Variants in OTOP1 observed in about 807,000 individuals in gnomAD.
The protein encoded by OTOP1 is otopetrin 1, also known as proton channel OTOP1.
A neutral mutation model predicts 52.9 loss-of-function variants in OTOP1; 59 were observed. The ratio of observed to expected loss-of-function variants is 1.12; its 90% confidence interval spans 0.91 to 1.39. The LOEUF (loss-of-function observed/expected upper bound fraction) is 1.39, where lower values mean the gene tolerates loss of function less well. Ranked by LOEUF, OTOP1 falls within the 40% of genes most tolerant of loss-of-function variation. The probability of loss-of-function intolerance (pLI) is 0.00; values close to 1 mark genes in which losing one functional copy is unlikely to be tolerated. For synonymous variants in OTOP1, 317 were observed against 337.7 expected (o/e 0.94, Z 0.67); for missense variants, 761 against 800.9 (o/e 0.95, Z 0.60).
At chr4:4,201,218 A>G (rs893151927) in intron 4 of OTOP1, among the ~76,000 whole-genome samples, 8 of 152,238 alleles carry the variant, frequency 5.3e-5, no homozygotes, top group Middle Eastern at 3.4e-3. Context: ...CACAAGGCCA[A>G]GAGTTCGAGA....
At chr4:4,196,952 G>A (rs1181411705) in intron 5 of OTOP1, among the ~76,000 whole-genome samples, 2 of 152,068 alleles carry the variant, frequency 1.3e-5, no homozygotes, top group African/African-American at 4.8e-5. Flanking sequence ...GACACTACCA[G>A]GGACTACTAG....
chr4:4,199,612 C>T (rs188763323), intron 4 of OTOP1, among the ~76,000 whole-genome samples: 1 of 152,226 alleles, frequency 6.6e-6, no homozygotes, highest in African/African-American at 2.4e-5. Context: ...AGGGTTCCGC[C>T]ACGTTGGCTA....
Position 4,220,024 on chromosome 4 carries a change from TATACGTATATATGTATACATATATAC to T in OTOP1, c.403+6412_403+6437del, listed in dbSNP as rs1432763624. Among the ~76,000 whole-genome samples, 292 of 97,228 alleles carry T rather than the reference TATACGTATATATGTATACATATATAC, an allele frequency of 3.0e-3. 4 individuals are homozygous for T. Among genetic ancestry groups the T allele is most frequent in the Middle Eastern group, 0.015 (3 of 194 alleles). The allele number at this position is 97,228 out of a possible 152,430, so 63.8% of individuals were successfully genotyped here. A position where few individuals can be genotyped will look rare whatever the true frequency, so the allele number is the denominator to read the frequency against. Reference sequence around the variant, plus strand: ...ATACATATATATGTATATACATGTATATACGTATATATGTATACATATATACATATACGTGTATATACATATATATG... The same window carrying T: ...ATACATATATATGTATATACATGTATATATACGTGTATATACATATATATG... On this transcript the variant is annotated intron_variant, in intron 1 of 5. Transcript: ENST00000296358.
At chr4:4,220,090 T>TACGTGTATATAC (rs1560211530) in intron 1 of OTOP1, among the ~76,000 whole-genome samples, 1 of 100,704 alleles carries the variant, frequency 9.9e-6, no homozygotes, top group African/African-American at 4.6e-5. Context: ...CATATATATA[T>TACGTGTATATAC]ATATATATAT....
chr4:4,195,652 C>T (rs767642543), intron 5 of OTOP1, among the ~76,000 whole-genome samples: 2 of 152,202 alleles, frequency 1.3e-5, no homozygotes, highest in Non-Finnish European at 2.9e-5. Flanking sequence ...CCCCAAGAAG[C>T]CAACCTCTGG....
intron 2 of OTOP1, among the ~76,000 whole-genome samples, chr4:4,211,998 G>A (rs549435308): frequency 2.0e-5 from 3 of 152,158 alleles, no homozygotes; most frequent in Admixed American, 6.5e-5. Context: ...AAAAAAGAAA[G>A]GCAACTATGT....
At position 4,202,486 on chromosome 4, in the gene OTOP1, T is replaced by C. The variant is rs1716809981; in HGVS notation, c.692A>G (p.Glu231Gly). 7 of 1,613,964 alleles carry C rather than the reference T, an allele frequency of 4.3e-6. No individual in the cohort carries two copies. The highest frequency in any genetic ancestry group is 5.9e-6 in the Non-Finnish European group (7 of 1,179,966). Residue 231 changes from glutamate to glycine, a missense_variant, in exon 4 of 6, where the codon GAA (glutamate) becomes GGA (glycine). Physicochemically the swap from Glu to Gly is moderately conservative, Grantham distance 98. Coordinates refer to ENST00000296358, the MANE Select transcript of OTOP1 (RefSeq NM_177998.3). ...ESKHQLNEHKERLITLGFGNI... is the reference protein window; with the variant it reads ...ESKHQLNEHKGRLITLGFGNI... ...CCCAAAACCCAGAGTGATGAGCCGT[T>C]CCTTGTGCTCATTGAGTTGGTGCTT...
chr4:4,218,146 CTTTGGGAG>C (rs1049599486), intron 1 of OTOP1, among the ~76,000 whole-genome samples: 10 of 152,194 alleles, frequency 6.6e-5, no homozygotes, highest in African/African-American at 2.4e-4. Context: ...AATCCCAGTG[CTTTGGGAG>C]GCCGAGGCAG....
rs1381554432 is a variant in OTOP1, at chr4:4,188,973, G to A, written c.1669C>T (p.Leu557Phe). The change falls in exon 6 of 6, where the codon CTT becomes TTT. Residue 557 changes from leucine (L) to phenylalanine (F), a missense_variant and splice_region_variant. Leu to Phe is a conservative substitution (Grantham distance 22). Transcript: ENST00000296358. Reference sequence around the variant, plus strand: ...CAGCCAAAGGCGGGAGGTATCCAAAGCTGCAAGAGAAGAGAAAATGGCATG... The same window carrying A: ...CAGCCAAAGGCGGGAGGTATCCAAAACTGCAAGAGAAGAGAAAATGGCATG... Reference protein sequence around the residue: ...AAFLFLCNISLWIPPAFGCRP... With the variant: ...AAFLFLCNISFWIPPAFGCRP... 13 of 1,610,704 alleles carry A rather than the reference G, an allele frequency of 8.1e-6. No individual in the cohort carries two copies. The South Asian group carries it at 1.1e-4, about 14-fold the overall frequency.
chr4:4,205,677 A>G (rs527269485), intron 3 of OTOP1, among the ~76,000 whole-genome samples: 1 of 152,380 alleles, frequency 6.6e-6, no homozygotes, highest in South Asian at 2.1e-4. Flanking sequence ...GCAAGTGTCA[A>G]TAAACTCCTG....
chr4:4,207,077 T>TA (rs1284811380), intron 2 of OTOP1, among the ~76,000 whole-genome samples: 1 of 152,152 alleles, frequency 6.6e-6, no homozygotes, highest in Non-Finnish European at 1.5e-5. Context: ...AATCAGAGAG[T>TA]AAAAAATAAA....
intron 5 of OTOP1, among the ~76,000 whole-genome samples, chr4:4,191,920 G>A (rs1263535373): frequency 1.3e-5 from 2 of 151,972 alleles, no homozygotes. Context: ...GGAAGGGAGA[G>A]GGAGACAGGG....
At chr4:4,215,001 C>A (rs1717108775) in intron 1 of OTOP1, among the ~76,000 whole-genome samples, 1 of 152,124 alleles carries the variant, frequency 6.6e-6, no homozygotes, top group Non-Finnish European at 1.5e-5. Flanking sequence ...TAAATTCTAG[C>A]CCAGGCATGG....
chr4:4,195,884 C>T (rs1432750085), intron 5 of OTOP1, among the ~76,000 whole-genome samples: 2 of 152,116 alleles, frequency 1.3e-5, no homozygotes, highest in Non-Finnish European at 2.9e-5. Context: ...GTCTCCCTCC[C>T]CCATTATACT....
chr4:4,203,850 T>G (rs1716840810), intron 3 of OTOP1, among the ~76,000 whole-genome samples: 1 of 152,186 alleles, frequency 6.6e-6, no homozygotes, highest in South Asian at 2.1e-4. Flanking sequence ...GCTCAGGCTT[T>G]GGGTGGGTCC....
At chr4:4,194,082 G>A (rs865848475) in intron 5 of OTOP1, among the ~76,000 whole-genome samples, 3 of 152,098 alleles carry the variant, frequency 2.0e-5, no homozygotes, top group East Asian at 1.9e-4. Context: ...CCACCTCCTC[G>A]GGATGCTGAG....
intron 3 of OTOP1, among the ~76,000 whole-genome samples, chr4:4,204,238 G>A (rs56864648): frequency 0.014 from 2,185 of 152,252 alleles, 57 homozygotes; most frequent in African/African-American, 0.05. Context: ...CAGAATCCCA[G>A]GGTGTCTGAG....
intron 4 of OTOP1, among the ~76,000 whole-genome samples, chr4:4,200,296 C>A (rs558087871): frequency 2.6e-4 from 40 of 151,890 alleles, no homozygotes; most frequent in African/African-American, 9.4e-4. Flanking sequence ...GAGACTGAGA[C>A]CATCCTGGCT....
At position 4,213,017 on chromosome 4, in the gene OTOP1, T is replaced by A. The variant is rs1299145273; in HGVS notation, c.404-13A>T. 6.2e-6 allele frequency: 10 copies of A among 1,612,466 alleles called. No homozygotes were observed. The highest frequency in any genetic ancestry group is 8.5e-6 in the Non-Finnish European group (10 of 1,178,656). On this transcript the variant is annotated splice_polypyrimidine_tract_variant and intron_variant, in intron 1 of 5. Transcript: ENST00000296358. The stretch of plus-strand genomic sequence containing the variant: ...AATGTGATACTACCTAAATGTGGGA[T>A]GAAGGGGGAAGTGGAAACACACACA...
Sources: allele counts gnomAD v4.1 joint callset (sites outside exome capture counted in the v4.1 genomes callset), GRCh38; gene constraint gnomAD v4.1.1; transcripts MANE v1.5; gene names NCBI Gene and HGNC (gene_info 2026-07-23, HGNC 2026-07-21).